CCSER1: variants seen among roughly 807,000 people sequenced by gnomAD.
CCSER1 encodes the protein coiled-coil serine rich protein 1, also known as serine-rich coiled-coil domain-containing protein 1.
In CCSER1, 41 loss-of-function variants were observed where a neutral mutation model predicts 82.0. The observed-to-expected ratio is 0.50, with a 90% CI of 0.39 to 0.65. The LOEUF is 0.65. CCSER1 is among the 30% of genes least tolerant of loss of function. The pLI is 0.00. For missense variants in CCSER1, 1,119 were observed against 1,064.2 expected, an observed-to-expected ratio of 1.05 and a Z score of -0.72; for synonymous variants, 414 against 383.9, an observed-to-expected ratio of 1.08 and a Z score of -0.92.
chr4:90,231,842 A>C (rs976466547), intron 1 of CCSER1, among the ~76,000 whole-genome samples: 4 of 150,800 alleles, frequency 2.7e-5, no homozygotes, highest in African/African-American at 9.8e-5. Context: ...ACAAACAGAG[A>C]GCCAAATCAT....
intron 1 of CCSER1, among the ~76,000 whole-genome samples, chr4:90,219,315 TAGG>T (rs890466743): frequency 2.0e-5 from 3 of 152,176 alleles, no homozygotes; most frequent in African/African-American, 7.2e-5. Flanking sequence ...ATAGGAAATA[TAGG>T]AGGAGAAGTA....
chr4:91,187,930 G>A (rs1267743314), intron 10 of CCSER1, among the ~76,000 whole-genome samples: 1 of 152,064 alleles, frequency 6.6e-6, no homozygotes, highest in African/African-American at 2.4e-5. Flanking sequence ...TGTAATAGAT[G>A]TTTTGAATCA....
At chr4:91,024,260 G>A (rs1211194489) in intron 9 of CCSER1, among the ~76,000 whole-genome samples, 1 of 152,090 alleles carries the variant, frequency 6.6e-6, no homozygotes, top group Non-Finnish European at 1.5e-5. Flanking sequence ...TTTAGAAACT[G>A]AAAGTAAGGT....
chr4:90,686,756 A>G (rs1481063678), intron 6 of CCSER1, among the ~76,000 whole-genome samples: 1 of 152,118 alleles, frequency 6.6e-6, no homozygotes, highest in Non-Finnish European at 1.5e-5. Context: ...ACACACGAAA[A>G]AGGGTAATTA....
Position 90,309,045 on chromosome 4 carries a change from C to T in CCSER1, c.761C>T (p.Ala254Val). The T allele has an allele frequency of 6.2e-7, 1 of 1,613,878 alleles. No individual in the cohort carries two copies. Among genetic ancestry groups the T allele is most frequent in the Non-Finnish European group, 8.5e-7 (1 of 1,179,856 alleles). The change falls in exon 2 of 11, where the codon GCT becomes GTT. Residue 254 changes from alanine to valine, a missense_variant. Coordinates refer to ENST00000509176, the MANE Select transcript of CCSER1 (RefSeq NM_001145065.2). The stretch of plus-strand genomic sequence containing the variant: ...TTGCTTTCTGCTGATCTTACCACAG[C>T]TCAGACACCTTCAGAATTTTTAGCC... ...SPLLSADLTT[A>V]QTPSEFLALT...
intron 8 of CCSER1, among the ~76,000 whole-genome samples, chr4:90,893,790 T>TG (rs1172805579): frequency 1.6e-5 from 2 of 127,024 alleles, no homozygotes; most frequent in African/African-American, 5.8e-5. Context: ...TGTGTGTGTG[T>TG]GTGGGGGGTG....
At chr4:91,381,664 T>A (rs1419999243) in intron 10 of CCSER1, among the ~76,000 whole-genome samples, 1 of 152,182 alleles carries the variant, frequency 6.6e-6, no homozygotes, top group Admixed American at 6.5e-5. Context: ...TTTCAAGGTT[T>A]TTAGCTTCTT....
intron 10 of CCSER1, among the ~76,000 whole-genome samples, chr4:91,349,983 C>G (rs1748363278): frequency 6.6e-6 from 1 of 152,006 alleles, no homozygotes. Context: ...GCCCTTTGAC[C>G]TCACTTCTCT....
At chr4:90,185,158 TATGTGCGGATTAGGG>T (rs1306155637) in intron 1 of CCSER1, among the ~76,000 whole-genome samples, 1 of 152,076 alleles carries the variant, frequency 6.6e-6, no homozygotes, top group African/African-American at 2.4e-5. Flanking sequence ...ACCTTCACAA[TATGTGCGGATTAGGG>T]ATCTACAATC....
At chr4:91,171,168 A>G (rs186641809) in intron 10 of CCSER1, among the ~76,000 whole-genome samples, 2 of 152,204 alleles carry the variant, frequency 1.3e-5, no homozygotes, top group South Asian at 2.1e-4. Flanking sequence ...CTCTAAAGCT[A>G]GAAAGAAACT....
At position 91,123,130 on chromosome 4, in the gene CCSER1, C is replaced by T. The variant is rs116249001; in HGVS notation, c.2217+37136C>T. ...TTAAAGAAAGTGTATTTCATCTCAG[C>T]TATTTTATTATATCTGTTCCAAGGA... On this transcript the variant is annotated intron_variant, in intron 10 of 10. Coordinates refer to ENST00000509176, the MANE Select transcript of CCSER1 (RefSeq NM_001145065.2). Among the ~76,000 whole-genome samples, 752 of 151,758 alleles carry T rather than the reference C, an allele frequency of 5.0e-3. 2 individuals are homozygous for T. The highest frequency in any genetic ancestry group is 0.017 in the African/African-American group (720 of 41,500).
chr4:90,867,700 G>A (rs1765919329), intron 8 of CCSER1, among the ~76,000 whole-genome samples: 1 of 150,966 alleles, frequency 6.6e-6, no homozygotes, highest in Admixed American at 6.7e-5. Context: ...ACCTCCACTA[G>A]CCTTTCCAGC....
intron 1 of CCSER1, among the ~76,000 whole-genome samples, chr4:90,273,783 A>G (rs1316321019): frequency 6.6e-6 from 1 of 152,138 alleles, no homozygotes; most frequent in African/African-American, 2.4e-5. Context: ...GCACCACACC[A>G]GAACAACATG....
At chr4:91,158,601 T>C (rs542680935) in intron 10 of CCSER1, among the ~76,000 whole-genome samples, 2 of 148,278 alleles carry the variant, frequency 1.3e-5, no homozygotes, top group South Asian at 4.2e-4. Context: ...ATTTAAAACA[T>C]TTCTCTCTCC....
At chr4:91,185,362 C>T (rs565204104) in intron 10 of CCSER1, among the ~76,000 whole-genome samples, 1 of 152,186 alleles carries the variant, frequency 6.6e-6, no homozygotes, top group Non-Finnish European at 1.5e-5. Flanking sequence ...TCAATGACTC[C>T]TGTATGTATT....
At chr4:90,596,740 A>G (rs968054754) in intron 5 of CCSER1, among the ~76,000 whole-genome samples, 4 of 151,898 alleles carry the variant, frequency 2.6e-5, no homozygotes, top group Non-Finnish European at 4.4e-5. Flanking sequence ...CAAACTTAAA[A>G]GCCCAAATAA....
At position 91,040,903 on chromosome 4, in the gene CCSER1, A is replaced by C. The variant is rs1424020974; in HGVS notation, c.2173-45047A>C. Among the ~76,000 whole-genome samples, 5 of 152,320 alleles carry C rather than the reference A, an allele frequency of 3.3e-5. No individual in the cohort carries two copies. In the East Asian group the frequency reaches 5.8e-4, roughly 18 times the overall value. On this transcript the variant is annotated intron_variant, in intron 9 of 10. Transcript: ENST00000509176. ...TTTAAAAAGCTTTATTTGGAGGGGAATAAAGTGTTATCAATGAAGTTCAAA... is the reference window on the plus strand; with the variant it reads ...TTTAAAAAGCTTTATTTGGAGGGGACTAAAGTGTTATCAATGAAGTTCAAA...
chr4:90,215,183 C>T (rs1049853117), intron 1 of CCSER1, among the ~76,000 whole-genome samples: 10 of 152,086 alleles, frequency 6.6e-5, no homozygotes, highest in Admixed American at 3.9e-4. Flanking sequence ...GCATGTTCAC[C>T]GTTCCTGAGA....
rs1230713677 is a variant in CCSER1, at chr4:90,384,408, T to C, written c.1510-15628T>C. 3.3e-5 allele frequency among the ~76,000 whole-genome samples: 5 copies of C among 150,390 alleles called. No homozygotes were observed. In the East Asian group the frequency reaches 8.0e-4, roughly 24 times the overall value. On this transcript the variant is annotated intron_variant, in intron 3 of 10. Transcript: ENST00000509176. The stretch of plus-strand genomic sequence containing the variant: ...TCACTCAAAGGTGGGAATTGAACAA[T>C]GAGAACACTTGGACACAGGAAGGGG...
Sources: gnomAD v4.1 joint callset for allele counts (sites outside exome capture counted in the v4.1 genomes callset) on GRCh38, gnomAD v4.1.1 for gene constraint, MANE v1.5 for transcripts, NCBI Gene and HGNC (gene_info 2026-07-23, HGNC 2026-07-21) for gene names.